Variants in PLCXD3 observed in about 807,000 individuals in gnomAD.
The protein encoded by PLCXD3 is phosphatidylinositol specific phospholipase C X domain containing 3.
Under a neutral mutation model 25.5 loss-of-function variants are expected in PLCXD3, and 19 were observed. The ratio of observed to expected loss-of-function variants is 0.75; its 90% CI spans 0.52 to 1.09. The LOEUF (loss-of-function observed/expected upper bound fraction) is 1.09, where lower values mean the gene tolerates loss of function less well. PLCXD3 is among the 50% of genes least tolerant of loss of function. PLCXD3 has a pLI of 0.00. For synonymous variants in PLCXD3, 174 were observed against 137.6 expected, an observed-to-expected ratio of 1.26 and a Z score of -1.85; for missense variants, 411 against 388.1, an observed-to-expected ratio of 1.06 and a Z score of -0.50.
chr5:41,461,187 A>T (rs963046028), intron 1 of PLCXD3, among the ~76,000 whole-genome samples: 1 of 151,998 alleles, frequency 6.6e-6, no homozygotes, highest in Admixed American at 6.6e-5. Context: ...TAATCTATAA[A>T]CTGACACAGC....
At chr5:41,469,596 T>C (rs1748105351) in intron 1 of PLCXD3, among the ~76,000 whole-genome samples, 1 of 152,148 alleles carries the variant, frequency 6.6e-6, no homozygotes, top group South Asian at 2.1e-4. Context: ...TTGTATTGTG[T>C]CTAGGAATAT....
chr5:41,506,906 C>T (rs181795105), intron 1 of PLCXD3, among the ~76,000 whole-genome samples: 430 of 152,296 alleles, frequency 2.8e-3, no homozygotes, highest in African/African-American at 9.0e-3. Flanking sequence ...TCCAGTCCCA[C>T]AACATTGTGG....
At chr5:41,380,705 C>T (rs1339065968) in intron 2 of PLCXD3, among the ~76,000 whole-genome samples, 1 of 152,092 alleles carries the variant, frequency 6.6e-6, no homozygotes, top group Admixed American at 6.6e-5. Context: ...ACCTTGGGTC[C>T]AAGCAAAACA....
At chr5:41,354,354 T>G (rs546266593) in intron 2 of PLCXD3, among the ~76,000 whole-genome samples, 1 of 152,140 alleles carries the variant, frequency 6.6e-6, no homozygotes, top group Non-Finnish European at 1.5e-5. Flanking sequence ...CTCCCTCAAC[T>G]TGCTCTATGC....
chr5:41,328,866 T>C (rs1425348921), intron 2 of PLCXD3, among the ~76,000 whole-genome samples: 9 of 152,198 alleles, frequency 5.9e-5, no homozygotes, highest in Non-Finnish European at 1.3e-4. Context: ...TTGAGTTCAG[T>C]AACCTGCAAT....
At chr5:41,473,831 C>T (rs1748225127) in intron 1 of PLCXD3, among the ~76,000 whole-genome samples, 1 of 152,156 alleles carries the variant, frequency 6.6e-6, no homozygotes, top group Non-Finnish European at 1.5e-5. Context: ...GTGAAGCAGC[C>T]CACAGAGGTA....
chr5:41,443,045 T>C (rs1384656010), intron 1 of PLCXD3, among the ~76,000 whole-genome samples: 2 of 148,796 alleles, frequency 1.3e-5, no homozygotes, highest in African/African-American at 2.4e-5. Flanking sequence ...ATTGTATACA[T>C]ATATAATAAT....
At chr5:41,374,830 A>T (rs1009125110) in intron 2 of PLCXD3, among the ~76,000 whole-genome samples, 1 of 152,212 alleles carries the variant, frequency 6.6e-6, no homozygotes, top group East Asian at 1.9e-4. Context: ...GTCTTGGGAC[A>T]TGGCCTAGGG....
intron 1 of PLCXD3, among the ~76,000 whole-genome samples, chr5:41,405,146 A>G (rs79025340): frequency 0.043 from 6,594 of 152,258 alleles, 187 homozygotes; most frequent in Non-Finnish European, 0.061. Flanking sequence ...GGAAGCAAAC[A>G]TACCTTCCAC....
At chr5:41,479,574 GTA>G (rs1748351923) in intron 1 of PLCXD3, among the ~76,000 whole-genome samples, 1 of 152,134 alleles carries the variant, frequency 6.6e-6, no homozygotes, top group Non-Finnish European at 1.5e-5. Flanking sequence ...AGTTTAGTGA[GTA>G]TAGTCATAAA....
intron 1 of PLCXD3, among the ~76,000 whole-genome samples, chr5:41,462,727 G>A (rs1747917860): frequency 6.6e-6 from 1 of 151,862 alleles, no homozygotes. Flanking sequence ...AGAGGTTGCA[G>A]TGAGCTGAGA....
chr5:41,451,346 A>C (rs1360676146), intron 1 of PLCXD3, among the ~76,000 whole-genome samples: 1 of 152,046 alleles, frequency 6.6e-6, no homozygotes, highest in Non-Finnish European at 1.5e-5. Flanking sequence ...ATGGTATTTG[A>C]GGAATATTTT....
chr5:41,473,763 G>C (rs172753), intron 1 of PLCXD3, among the ~76,000 whole-genome samples: 130,949 of 152,164 alleles, frequency 0.86, 56,726 homozygotes, highest in Middle Eastern at 0.9. Context: ...GCCGCCATTA[G>C]TTTTTATGGA....
At chr5:41,384,955 A>G (rs1380277106) in intron 1 of PLCXD3, among the ~76,000 whole-genome samples, 2 of 152,118 alleles carry the variant, frequency 1.3e-5, no homozygotes, top group African/African-American at 4.8e-5. Flanking sequence ...TTATTAGACA[A>G]GAAAATAAAA....
chr5:41,481,568 T>C (rs1748414466), intron 1 of PLCXD3, among the ~76,000 whole-genome samples: 1 of 152,222 alleles, frequency 6.6e-6, no homozygotes, highest in Admixed American at 6.5e-5. Flanking sequence ...CTCCAACAGC[T>C]TCTGAAAAAA....
At chr5:41,482,104 GT>G (rs1477798240) in intron 1 of PLCXD3, among the ~76,000 whole-genome samples, 2 of 151,990 alleles carry the variant, frequency 1.3e-5, no homozygotes, top group Non-Finnish European at 2.9e-5. Flanking sequence ...AGATATGTCA[GT>G]AAAAAAAGAT....
At chr5:41,362,973 A>C (rs371350407) in intron 2 of PLCXD3, among the ~76,000 whole-genome samples, 6 of 152,168 alleles carry the variant, frequency 3.9e-5, no homozygotes, top group African/African-American at 1.4e-4. Context: ...ACATCATATG[A>C]TCAGATTTTT....
chr5:41,320,520 G>A lies in PLCXD3; in HGVS notation c.813-6750C>T, dbSNP rs181266111. On this transcript the variant is annotated intron_variant, in intron 2 of 2. Transcript: ENST00000377801. ...TTTTAATTTTTTAATTTTTTGAGACGGAGTCTCGCTCTGTCGCCCAGACTG... is the reference window on the plus strand; with the variant it reads ...TTTTAATTTTTTAATTTTTTGAGACAGAGTCTCGCTCTGTCGCCCAGACTG... 2.6e-3 allele frequency among the ~76,000 whole-genome samples: 398 copies of A among 152,206 alleles called. 2 individuals are homozygous for A. Among genetic ancestry groups the A allele is most frequent in the African/African-American group, 9.1e-3 (377 of 41,540 alleles).
intron 1 of PLCXD3, among the ~76,000 whole-genome samples, chr5:41,440,613 G>T (rs1747364465): frequency 6.6e-6 from 1 of 152,098 alleles, no homozygotes; most frequent in South Asian, 2.1e-4. Context: ...TTGTCTTACT[G>T]ATTCTATAAG....
Sources: gnomAD v4.1 joint callset for allele counts (sites outside exome capture counted in the v4.1 genomes callset) on GRCh38, gnomAD v4.1.1 for gene constraint, MANE v1.5 for transcripts, NCBI Gene and HGNC (gene_info 2026-07-23, HGNC 2026-07-21) for gene names.